The following PRKG1 variants were observed in gnomAD, a reference collection of about 807,000 sequenced individuals.
PRKG1 encodes protein kinase cGMP-dependent 1.
PRKG1 carries 35 observed loss-of-function variants against 88.1 expected under a neutral mutation model. That is an observed-to-expected ratio of 0.40 (90% CI 0.30 to 0.53). PRKG1 has a LOEUF of 0.53. Among genes scored for constraint, PRKG1 ranks in the 20% least tolerant of loss-of-function variants. PRKG1 has a pLI of 0.59. For missense variants in PRKG1, 540 were observed against 839.8 expected (o/e 0.64, Z 4.41); for synonymous variants, 303 against 292.5 (o/e 1.04, Z -0.37).
chr10:51,516,513 C>T (rs948409378), intron 3 of PRKG1, among the ~76,000 whole-genome samples: 1 of 152,112 alleles, frequency 6.6e-6, no homozygotes, highest in African/African-American at 2.4e-5. Context: ...GGGTTTCAAG[C>T]TTTTTGGCTT....
intron 2 of PRKG1, among the ~76,000 whole-genome samples, chr10:51,428,340 T>C (rs1031343481): frequency 4.6e-5 from 7 of 152,302 alleles, no homozygotes; most frequent in Admixed American, 3.3e-4. Context: ...TTCTCATTCT[T>C]TTGCCAAAGT....
intron 1 of PRKG1, chr10:51,148,170 G>A: frequency 1.2e-6 from 1 of 818,438 alleles, no homozygotes; most frequent in African/African-American, 1.9e-5. Context: ...TCTGCAAGGA[G>A]TATGTCTGTG....
intron 3 of PRKG1, among the ~76,000 whole-genome samples, chr10:51,707,646 A>G (rs1191057789): frequency 6.6e-6 from 1 of 152,018 alleles, no homozygotes; most frequent in Admixed American, 6.5e-5. Context: ...AGAAATGTGT[A>G]AACTGCCACT....
chr10:51,716,716 T>C (rs1841895581), intron 3 of PRKG1, among the ~76,000 whole-genome samples: 1 of 152,096 alleles, frequency 6.6e-6, no homozygotes, highest in African/African-American at 2.4e-5. Context: ...TGAGATGGAG[T>C]CTCGCTCTGT....
chr10:51,586,231 G>A (rs1838169860), intron 3 of PRKG1, among the ~76,000 whole-genome samples: 1 of 152,136 alleles, frequency 6.6e-6, no homozygotes, highest in Non-Finnish European at 1.5e-5. Context: ...TCTTTAATTT[G>A]TTCAGCTATA....
intron 2 of PRKG1, among the ~76,000 whole-genome samples, chr10:51,322,385 G>A (rs1026299659): frequency 3.3e-5 from 5 of 152,078 alleles, no homozygotes; most frequent in Admixed American, 2.0e-4. Context: ...CATGAGACCC[G>A]TCTCTAGATT....
chr10:51,013,113 T>C (rs181908151), intron 1 of PRKG1, among the ~76,000 whole-genome samples: 4 of 152,250 alleles, frequency 2.6e-5, no homozygotes, highest in Admixed American at 2.6e-4. Flanking sequence ...AGGTTAGAGG[T>C]TAAGAACATG....
chr10:51,493,244 C>G (rs544967594), intron 3 of PRKG1, among the ~76,000 whole-genome samples: 65 of 152,044 alleles, frequency 4.3e-4, no homozygotes, highest in Middle Eastern at 3.2e-3. Flanking sequence ...CTACTCATTT[C>G]CAAAATACAA....
chr10:51,211,256 A>T (rs1268623445), intron 2 of PRKG1, among the ~76,000 whole-genome samples: 1 of 152,138 alleles, frequency 6.6e-6, no homozygotes, highest in African/African-American at 2.4e-5. Context: ...CCTTTGACAA[A>T]ATTCAACAAC....
intron 1 of PRKG1, among the ~76,000 whole-genome samples, chr10:50,994,560 A>G (rs1466019057): frequency 6.6e-6 from 1 of 151,970 alleles, no homozygotes; most frequent in Non-Finnish European, 1.5e-5. Context: ...TGTTTTTTGT[A>G]AAAGGCTGTG....
At chr10:51,424,761 G>A (rs1006034508) in intron 2 of PRKG1, among the ~76,000 whole-genome samples, 1 of 151,984 alleles carries the variant, frequency 6.6e-6, no homozygotes, top group Non-Finnish European at 1.5e-5. Flanking sequence ...ACACCATATT[G>A]CTTTTTTTCC....
chr10:51,036,482 G>A (rs2132752580), intron 1 of PRKG1, among the ~76,000 whole-genome samples: 1 of 152,188 alleles, frequency 6.6e-6, no homozygotes, highest in East Asian at 1.9e-4. Context: ...GTAAAGTGAG[G>A]GAATCGAGGA....
intron 2 of PRKG1, among the ~76,000 whole-genome samples, chr10:51,216,496 G>A (rs188213008): frequency 1.3e-3 from 191 of 151,948 alleles, no homozygotes; most frequent in Middle Eastern, 6.8e-3. Flanking sequence ...TCTGTGCCTG[G>A]GTTTCCTCAC....
chr10:51,374,898 T>C (rs1021647132), intron 2 of PRKG1, among the ~76,000 whole-genome samples: 22 of 152,184 alleles, frequency 1.4e-4, no homozygotes, highest in African/African-American at 5.1e-4. Context: ...CTTTCATGGC[T>C]GTAGGCTAGA....
chr10:51,111,968 C>T (rs1189560945), intron 1 of PRKG1, among the ~76,000 whole-genome samples: 1 of 152,118 alleles, frequency 6.6e-6, no homozygotes, highest in East Asian at 1.9e-4. Context: ...CTATGCACCA[C>T]CTACAGAGCC....
Position 52,086,407 on chromosome 10 carries a change from A to T in PRKG1, c.935+23776A>T, listed in dbSNP as rs1244635846. Among the ~76,000 whole-genome samples the T allele has an allele frequency of 2.8e-5, 4 of 140,366 alleles. No individual in the cohort carries two copies. The East Asian group carries it at 6.2e-4, about 22-fold the overall frequency. 92.1% of individuals were successfully genotyped at this position (140,366 alleles called of 152,430 possible). A position where few individuals can be genotyped will look rare whatever the true frequency, so the allele number is the denominator to read the frequency against. On this transcript the variant is annotated intron_variant, in intron 7 of 17. Transcript: ENST00000373980. ...GAAATTATATGAGTTTATAGGTATGATTTTTTTTTTTTTTTTTGAGACAGT... is the reference window on the plus strand; with the variant it reads ...GAAATTATATGAGTTTATAGGTATGTTTTTTTTTTTTTTTTTTGAGACAGT...
At chr10:51,276,936 C>A (rs1210055937) in intron 2 of PRKG1, among the ~76,000 whole-genome samples, 2 of 152,146 alleles carry the variant, frequency 1.3e-5, no homozygotes, top group Non-Finnish European at 2.9e-5. Context: ...ATGGTAGTTT[C>A]TTTTGCTGTG....
intron 5 of PRKG1, among the ~76,000 whole-genome samples, chr10:51,948,106 C>T (rs1843096182): frequency 6.6e-6 from 1 of 151,910 alleles, no homozygotes; most frequent in South Asian, 2.1e-4. Flanking sequence ...AGATTTATGA[C>T]AACATTTCTC....
intron 2 of PRKG1, among the ~76,000 whole-genome samples, chr10:51,295,670 G>A (rs372181831): frequency 1.6e-5 from 2 of 125,768 alleles, no homozygotes; most frequent in African/African-American, 5.8e-5. Flanking sequence ...TTTCTTTTTT[G>A]TCTAATTGTC....
Sources: allele counts gnomAD v4.1 joint callset (sites outside exome capture counted in the v4.1 genomes callset), GRCh38; gene constraint gnomAD v4.1.1; transcripts MANE v1.5; gene names NCBI Gene and HGNC (gene_info 2026-07-23, HGNC 2026-07-21).